The following MTA1 variants were observed in gnomAD, a reference collection of about 807,000 sequenced individuals.
The protein encoded by MTA1 is metastasis-associated protein MTA1.
Under a neutral mutation model 97.0 loss-of-function variants are expected in MTA1, and 15 were observed. That is an observed-to-expected ratio of 0.15 (90% CI 0.10 to 0.24). The LOEUF (loss-of-function observed/expected upper bound fraction) is 0.24, where lower values mean the gene tolerates loss of function less well. MTA1 is among the 10% of genes least tolerant of loss of function. MTA1 has a pLI of 1.00. For synonymous variants in MTA1, 435 were observed against 417.5 expected (o/e 1.04, Z -0.51); for missense variants, 709 against 1,015.1 (o/e 0.70, Z 4.10).
In MTA1 at chr14:105,419,978, G is replaced by A. The variant is rs1171445214; in HGVS notation, c.-58G>A. 7.5e-6 allele frequency: 7 copies of A among 931,320 alleles called. No homozygotes were observed. In the East Asian group the frequency reaches 4.4e-4, roughly 58 times the overall value. 57.7% of individuals were successfully genotyped at this position (931,320 alleles called of 1,614,324 possible). A position where few individuals can be genotyped will look rare whatever the true frequency, so the allele number is the denominator to read the frequency against. The stretch of plus-strand genomic sequence containing the variant: ...CCGCCATCGCGCCTCCATTTTCCCG[G>A]CCGCCCGCGCCGAGCGCCGCGCCCG... On this transcript the variant is annotated 5_prime_UTR_variant, in exon 1 of 21. Transcript: ENST00000331320.
At chr14:105,467,953 C>T in intron 18 of MTA1, 1 of 277,268 alleles carries the variant, frequency 3.6e-6, no homozygotes, top group Non-Finnish European at 7.2e-6. Flanking sequence ...TGAGTCCCAG[C>T]CATGCAGTGC....
intron 1 of MTA1, among the ~76,000 whole-genome samples, chr14:105,434,403 T>C (rs587684282): frequency 6.6e-6 from 1 of 152,330 alleles, no homozygotes; most frequent in Non-Finnish European, 1.5e-5. Flanking sequence ...AAATTTATAT[T>C]GTAAGTATTT....
At chr14:105,465,037 AG>A (rs2083511303) in intron 15 of MTA1, 56 bp from the exon 16 acceptor site, 7 of 1,454,882 alleles carry the variant, frequency 4.8e-6, no homozygotes, top group Non-Finnish European at 6.4e-6. Context: ...AGGCGCAGGC[AG>A]GGTCCCGTGC....
chr14:105,446,479 C>T lies in MTA1; in HGVS notation c.190+968C>T, dbSNP rs587690653. ...GTGAGGTCCAGGGACTGTGGGTTTG[C>T]GGTGGGTCGGGTGGGAGGACCCTCG... On this transcript the variant is annotated intron_variant, in intron 3 of 20. Transcript: ENST00000331320. Among the ~76,000 whole-genome samples the T allele has an allele frequency of 5.3e-5, 8 of 152,222 alleles. No homozygotes were observed. The South Asian group carries it at 1.2e-3, about 24-fold the overall frequency.
intron 3 of MTA1, chr14:105,445,786 G>T: frequency 1.8e-6 from 1 of 560,520 alleles, no homozygotes; most frequent in Middle Eastern, 2.8e-4. Context: ...GTGTGGCTGG[G>T]TGTGGGCATC....
At chr14:105,447,209 G>T (rs2082746451) in intron 3 of MTA1, among the ~76,000 whole-genome samples, 1 of 152,144 alleles carries the variant, frequency 6.6e-6, no homozygotes, top group Non-Finnish European at 1.5e-5. Flanking sequence ...AGAAGCAGTG[G>T]TGGGGAGCGG....
rs782527543 is a variant in MTA1 at position 105,463,572 on chromosome 14, G to A, written c.1076+21G>A. 2.5e-5 allele frequency: 40 copies of A among 1,611,884 alleles called. No individual in the cohort carries two copies. Among genetic ancestry groups the A allele is most frequent in the Middle Eastern group, 1.6e-4 (1 of 6,084 alleles). On this transcript the variant is annotated intron_variant, in intron 12 of 20. Coordinates refer to ENST00000331320, the MANE Select transcript of MTA1 (RefSeq NM_004689.4). The surrounding 1 kb of genome is among the most constrained non-coding windows in gnomAD (Gnocchi z 5.9). ...AACTAGTAAGTGTGCCCTCACAGCCGTCGTCCTCGTGGCCCCGGGGGCCAG... is the reference window on the plus strand; with the variant it reads ...AACTAGTAAGTGTGCCCTCACAGCCATCGTCCTCGTGGCCCCGGGGGCCAG...
At chr14:105,448,885 G>A (rs1555427881) in intron 3 of MTA1, among the ~76,000 whole-genome samples, 1 of 152,270 alleles carries the variant, frequency 6.6e-6, no homozygotes. Context: ...AGGGCGCTGA[G>A]CGGGATGAGT....
Position 105,447,960 on chromosome 14 carries a change from C to T in MTA1, c.191-1399C>T, listed in dbSNP as rs369475443. On this transcript the variant is annotated intron_variant, in intron 3 of 20. Transcript: ENST00000331320. ...TCTGGCTCTCCCACGTCACTGCCTCCACCCAGCCCCTGCTGGGGCGTCCAG... is the reference window on the plus strand; with the variant it reads ...TCTGGCTCTCCCACGTCACTGCCTCTACCCAGCCCCTGCTGGGGCGTCCAG... Among the ~76,000 whole-genome samples, 26 of 152,296 alleles carry T rather than the reference C, an allele frequency of 1.7e-4. 1 individual carries two copies. The highest frequency in any genetic ancestry group is 5.8e-4 in the African/African-American group (24 of 41,568).
intron 15 of MTA1, 97 bp downstream of exon 15, chr14:105,464,960 G>A: frequency 6.9e-7 from 1 of 1,445,374 alleles, no homozygotes; most frequent in Non-Finnish European, 9.1e-7. Flanking sequence ...TGGGAGTTCT[G>A]ATCTCAGGGA....
In MTA1 at chr14:105,463,725, G is replaced by A; in HGVS notation, c.1076+174G>A. The A allele has an allele frequency of 1.5e-6, 1 of 653,636 alleles. No individual in the cohort carries two copies. The highest frequency in any genetic ancestry group is 2.6e-6 in the Non-Finnish European group (1 of 378,190). The allele number at this position is 653,636 out of a possible 1,614,324, so 40.5% of individuals were successfully genotyped here. On this transcript the variant is annotated intron_variant, in intron 12 of 20. Transcript: ENST00000331320. The surrounding 1 kb of genome is among the most constrained non-coding windows in gnomAD (Gnocchi z 5.9). ...GGGGGTTCTGGCTGCAGACGCAGTG[G>A]CCATGTCTCTGTCGTCCTGGCCTCC...
intron 2 of MTA1, among the ~76,000 whole-genome samples, chr14:105,441,740 G>A (rs1390191437): frequency 2.0e-5 from 3 of 152,188 alleles, no homozygotes; most frequent in African/African-American, 7.2e-5. Flanking sequence ...CTTGCAGTGA[G>A]CCGAGATCCC....
intron 19 of MTA1, 151 bp from the exon 20 acceptor site, chr14:105,469,690 C>T (rs1420874096): frequency 7.8e-7 from 1 of 1,290,236 alleles, no homozygotes; most frequent in Admixed American, 2.2e-5. Flanking sequence ...CCGACCAGCC[C>T]TCAGGGCTGC....
intron 1 of MTA1, among the ~76,000 whole-genome samples, chr14:105,426,172 G>C (rs587733438): frequency 1.3e-5 from 2 of 152,234 alleles, no homozygotes; most frequent in African/African-American, 4.8e-5. Context: ...GACCCCTGGG[G>C]CATGGAGGGG....
intron 18 of MTA1, 52 bp from the exon 19 acceptor site, chr14:105,469,415 G>A (rs1276263664): frequency 6.9e-6 from 11 of 1,601,890 alleles, no homozygotes; most frequent in Middle Eastern, 1.6e-4. Context: ...GGCGGTGGGA[G>A]TGCAGGACGC....
intron 2 of MTA1, among the ~76,000 whole-genome samples, chr14:105,441,974 G>A (rs2082546943): frequency 6.6e-6 from 1 of 152,180 alleles, no homozygotes; most frequent in Non-Finnish European, 1.5e-5. Flanking sequence ...CAAATGAAAT[G>A]AAAGGATCAG....
chr14:105,444,618 C>G (rs145161499), intron 2 of MTA1, among the ~76,000 whole-genome samples: 1 of 152,156 alleles, frequency 6.6e-6, no homozygotes, highest in African/African-American at 2.4e-5. Flanking sequence ...TGGCAAAACC[C>G]TGTCTCTACT....
intron 2 of MTA1, among the ~76,000 whole-genome samples, chr14:105,442,273 C>T (rs2082560082): frequency 6.6e-6 from 1 of 152,224 alleles, no homozygotes; most frequent in Non-Finnish European, 1.5e-5. Context: ...AGCCAAGCTC[C>T]ATCTCCCGGA....
intron 1 of MTA1, among the ~76,000 whole-genome samples, chr14:105,427,887 G>A (rs1489910393): frequency 2.0e-5 from 3 of 151,536 alleles, no homozygotes; most frequent in Non-Finnish European, 4.4e-5. Flanking sequence ...GCGTGGTGGT[G>A]CGTGCCTGTA....
Sources: gnomAD v4.1 joint callset for allele counts (sites outside exome capture counted in the v4.1 genomes callset) on GRCh38, gnomAD v4.1.1 for gene constraint, Gnocchi (gnomAD v3.1) non-coding constraint, MANE v1.5 for transcripts, NCBI Gene and HGNC (gene_info 2026-07-23, HGNC 2026-07-21) for gene names.